The following MAPK10 variants were observed in gnomAD, a reference collection of about 807,000 sequenced individuals.
The protein encoded by MAPK10 is JNK3 alpha protein kinase.
Under a neutral mutation model 59.3 loss-of-function variants are expected in MAPK10, and 25 were observed. The ratio of observed to expected loss-of-function variants is 0.42; its 90% confidence interval spans 0.31 to 0.59. The LOEUF (loss-of-function observed/expected upper bound fraction) is 0.59, where lower values mean the gene tolerates loss of function less well. Among genes scored for constraint, MAPK10 ranks in the 20% least tolerant of loss-of-function variants. The pLI is 0.15. For synonymous variants in MAPK10, 190 were observed against 200.5 expected, an observed-to-expected ratio of 0.95 and a Z score of 0.44; for missense variants, 351 against 568.9, an observed-to-expected ratio of 0.62 and a Z score of 3.90.
intron 2 of MAPK10, among the ~76,000 whole-genome samples, chr4:86,306,885 A>G (rs1029102523): frequency 2.0e-5 from 3 of 152,170 alleles, no homozygotes; most frequent in Admixed American, 6.5e-5. Flanking sequence ...CCACATTTAT[A>G]TGTAGTCTTT....
At chr4:86,372,560 GAAAGAAAGAAAA>G (rs1308575969) in intron 1 of MAPK10, among the ~76,000 whole-genome samples, 9 of 12,218 alleles carry the variant, frequency 7.4e-4, no homozygotes, top group Admixed American at 6.5e-3. Context: ...AAGAAAGAAA[GAAAGAAAGAAAA>G]GAAAAGAAAA....
At chr4:86,107,909 G>T (rs1210553733) in intron 4 of MAPK10, among the ~76,000 whole-genome samples, 1 of 151,920 alleles carries the variant, frequency 6.6e-6, no homozygotes, top group African/African-American at 2.4e-5. Context: ...TGTTCCCCAG[G>T]CTAGTCTTGA....
intron 4 of MAPK10, among the ~76,000 whole-genome samples, chr4:86,109,497 G>C (rs889875794): frequency 1.1e-4 from 16 of 151,676 alleles, no homozygotes; most frequent in African/African-American, 3.7e-4. Context: ...TTGGTTTTCT[G>C]TTCCTGCATT....
chr4:86,364,344 G>A (rs1371463359), upstream of MAPK10, among the ~76,000 whole-genome samples: 2 of 152,158 alleles, frequency 1.3e-5, no homozygotes, highest in Middle Eastern at 3.4e-3. Context: ...GCCCAGGCTA[G>A]TCTCAAACTC....
At chr4:86,211,825 T>C (rs2149354680) in intron 2 of MAPK10, among the ~76,000 whole-genome samples, 1 of 152,208 alleles carries the variant, frequency 6.6e-6, no homozygotes, top group Non-Finnish European at 1.5e-5. Context: ...AGGACAAAGC[T>C]GGAAAAAAGC....
intron 1 of MAPK10, among the ~76,000 whole-genome samples, chr4:86,560,401 C>A (rs1355173931): frequency 2.0e-5 from 3 of 152,160 alleles, no homozygotes; most frequent in Admixed American, 6.5e-5. Context: ...CCTTAGAAGA[C>A]AGTTTTCAAA....
Position 86,064,390 on chromosome 4 carries a change from G to T in MAPK10, c.986C>A (p.Ala329Asp). ...PADSEHNKLK[A>D]SQARDLLSKM... Reference sequence around the variant, plus strand: ...TGACAACAAGTCCCTGGCTTGGCTGGCTGAAACAATAAATGAGAAAAACAA... The same window carrying T: ...TGACAACAAGTCCCTGGCTTGGCTGTCTGAAACAATAAATGAGAAAAACAA... Residue 329 changes from alanine to aspartate, a missense_variant and splice_region_variant, in exon 11 of 14, where the codon GCC (alanine) becomes GAC (aspartate). This residue lies in a region of MAPK10 where 155 missense variants were observed against 204.2 expected (regional missense o/e 0.76). Coordinates refer to ENST00000641462, the MANE Select transcript of MAPK10 (RefSeq NM_138982.4). 1.2e-6 allele frequency: 2 copies of T among 1,612,852 alleles called. No individual in the cohort carries two copies. The highest frequency in any genetic ancestry group is 1.7e-6 in the Non-Finnish European group (2 of 1,179,630).
At position 86,564,451 on chromosome 4, in the gene MAPK10, T is replaced by G. The variant is rs565094371; in HGVS notation, c.-263+29459A>C. Among the ~76,000 whole-genome samples the G allele has an allele frequency of 2.0e-5, 3 of 152,328 alleles. No individual in the cohort carries two copies. The East Asian group carries it at 5.8e-4, about 29-fold the overall frequency. On this transcript the variant is annotated intron_variant, in intron 1 of 4. Coordinates refer to the MAPK10 transcript ENST00000502302. ...GTTTCAGAGCCTCTTGCTTGCTTCC[T>G]CATTGACATCTTTCCCTCTCCCATC... is the stretch of plus-strand genomic sequence containing the variant.
chr4:86,141,030 A>T (rs2063530765), intron 4 of MAPK10, among the ~76,000 whole-genome samples: 1 of 152,238 alleles, frequency 6.6e-6, no homozygotes. Context: ...TCATTGAACC[A>T]ATACCCAATA....
intron 1 of MAPK10, among the ~76,000 whole-genome samples, chr4:86,490,776 C>T (rs528462328): frequency 1.3e-5 from 2 of 152,314 alleles, no homozygotes; most frequent in South Asian, 4.1e-4. Flanking sequence ...CTTTTCTAAT[C>T]TAAACAAAGG....
At chr4:86,451,800 C>A (rs1046823707) in intron 1 of MAPK10, among the ~76,000 whole-genome samples, 1 of 152,106 alleles carries the variant, frequency 6.6e-6, no homozygotes. Context: ...GGAGGGCACA[C>A]AAATTCCCAG....
At chr4:86,045,245 C>G (rs1205613647) in intron 11 of MAPK10, among the ~76,000 whole-genome samples, 1 of 152,034 alleles carries the variant, frequency 6.6e-6, no homozygotes, top group East Asian at 1.9e-4. Context: ...CTCTTTCCTG[C>G]TCCTTGGAAA....
intron 4 of MAPK10, 73 bp downstream of exon 4, chr4:86,159,225 G>T: frequency 2.6e-6 from 3 of 1,169,410 alleles, no homozygotes; most frequent in South Asian, 2.3e-5. Flanking sequence ...GATTTTGTTT[G>T]TTTGTGTGTT....
At chr4:86,474,385 T>TA (rs796853197) in intron 1 of MAPK10, among the ~76,000 whole-genome samples, 5 of 152,038 alleles carry the variant, frequency 3.3e-5, no homozygotes, top group African/African-American at 4.8e-5. Context: ...TACATGGCTT[T>TA]AAAAAAAATT....
intron 9 of MAPK10, among the ~76,000 whole-genome samples, chr4:86,097,256 C>G (rs4414943): frequency 0.026 from 3,985 of 151,996 alleles, 173 homozygotes; most frequent in African/African-American, 0.091. Flanking sequence ...CTAGACAGTG[C>G]AGTTCTAGAA....
upstream of MAPK10, among the ~76,000 whole-genome samples, chr4:86,364,097 A>ATTG (rs66851270): frequency 0.016 from 2,398 of 149,786 alleles, 17 homozygotes; most frequent in African/African-American, 0.024. Context: ...GAAACTCTTT[A>ATTG]TTGTTGTTGT....
chr4:86,212,233 A>T (rs917101163), intron 2 of MAPK10, among the ~76,000 whole-genome samples: 15 of 152,146 alleles, frequency 9.9e-5, no homozygotes, highest in African/African-American at 3.1e-4. Context: ...AAATAGACTG[A>T]AAGTCAGAGG....
At chr4:86,552,812 G>T (rs2149100867) in intron 1 of MAPK10, among the ~76,000 whole-genome samples, 1 of 152,250 alleles carries the variant, frequency 6.6e-6, no homozygotes, top group South Asian at 2.1e-4. Context: ...AGATAGGTTT[G>T]CTTGCAGCTC....
At chr4:86,193,869 C>G (rs536404018) in intron 3 of MAPK10, 1 of 159,098 alleles carries the variant, frequency 6.3e-6, no homozygotes, top group South Asian at 1.8e-4. Context: ...GCTTGAAACC[C>G]AGGACCCTTG....
Sources: allele counts gnomAD v4.1 joint callset (sites outside exome capture counted in the v4.1 genomes callset), GRCh38; gene constraint gnomAD v4.1.1; regional missense constraint gnomAD v4.1.1; transcripts MANE v1.5; gene names NCBI Gene and HGNC (gene_info 2026-07-23, HGNC 2026-07-21).